The following PRDM6 variants were observed in gnomAD, a reference collection of about 807,000 sequenced individuals.
PRDM6 encodes the protein PR/SET domain 6.
Under a neutral mutation model 60.8 loss-of-function variants are expected in PRDM6, and 25 were observed. The ratio of observed to expected loss-of-function variants is 0.41; its 90% CI spans 0.30 to 0.57. The LOEUF (loss-of-function observed/expected upper bound fraction) is 0.57, where lower values mean the gene tolerates loss of function less well. Among genes scored for constraint, PRDM6 ranks in the 20% least tolerant of loss-of-function variants. PRDM6 has a pLI of 0.27. For synonymous variants in PRDM6, 407 were observed against 357.4 expected (o/e 1.14, Z -1.57); for missense variants, 839 against 821.3 (o/e 1.02, Z -0.26).
At chr5:123,186,171 G>T (rs1387934660) in intron 7 of PRDM6, among the ~76,000 whole-genome samples, 2 of 152,158 alleles carry the variant, frequency 1.3e-5, no homozygotes, top group African/African-American at 4.8e-5. Flanking sequence ...CTGTGGGTGT[G>T]TGTATTTACA....
rs554086935 is a variant in PRDM6 at position 123,097,483 on chromosome 5, T to G, written c.593-2171T>G. ...CTGGTTCTTGGTGGAGTAGTAGTGCTTGGGAATTGCTTTATCTGCAGAATG... is the reference window on the plus strand; with the variant it reads ...CTGGTTCTTGGTGGAGTAGTAGTGCGTGGGAATTGCTTTATCTGCAGAATG... On this transcript the variant is annotated intron_variant, in intron 2 of 7. Coordinates refer to ENST00000407847, the MANE Select transcript of PRDM6 (RefSeq NM_001136239.4). Among the ~76,000 whole-genome samples the G allele has an allele frequency of 1.2e-4, 19 of 152,334 alleles. 1 individual carries two copies. In the South Asian group the frequency reaches 3.7e-3, roughly 30 times the overall value.
chr5:123,177,952 CTG>C (rs1449638187), intron 6 of PRDM6, among the ~76,000 whole-genome samples: 1 of 152,172 alleles, frequency 6.6e-6, no homozygotes, highest in Non-Finnish European at 1.5e-5. Flanking sequence ...GTTTTAAAAA[CTG>C]TGCCATAGGT....
Position 123,090,435 on chromosome 5 carries a change from G to C in PRDM6, c.421G>C (p.Ala141Pro). ...GCCCCCCAAGGAACTGTGCCTCGGC[G>C]CCACCTCCGGCCCCGGGCCCGTCAA... The part of the protein sequence containing the change: ...PLPPKELCLG[A>P]TSGPGPVKCG... Residue 141 changes from alanine (A) to proline (P), a missense_variant, in exon 2 of 8, where the codon GCC becomes CCC. By Grantham distance (27) the Ala-to-Pro change is conservative (BLOSUM62 -1). This residue lies in a region of PRDM6 where 730 missense variants were observed against 648.8 expected (regional missense o/e 1.13). Coordinates refer to ENST00000407847, the MANE Select transcript of PRDM6 (RefSeq NM_001136239.4). The C allele has an allele frequency of 6.9e-7, 1 of 1,450,350 alleles. No homozygotes were observed. Among genetic ancestry groups the C allele is most frequent in the Non-Finnish European group, 9.0e-7 (1 of 1,111,174 alleles). The allele number at this position is 1,450,350 out of a possible 1,614,324, so 89.8% of individuals were successfully genotyped here.
chr5:123,157,013 C>T (rs428746), intron 4 of PRDM6, among the ~76,000 whole-genome samples: 1 of 151,592 alleles, frequency 6.6e-6, no homozygotes, highest in Non-Finnish European at 1.5e-5. Flanking sequence ...GCAGAGGGCT[C>T]TGTGCTCAGC....
intron 3 of PRDM6, among the ~76,000 whole-genome samples, chr5:123,134,377 A>G (rs1210267092): frequency 6.6e-6 from 1 of 152,140 alleles, no homozygotes; most frequent in Non-Finnish European, 1.5e-5. Flanking sequence ...GTTTCAAACT[A>G]GCATCTAGAA....
intron 3 of PRDM6, among the ~76,000 whole-genome samples, chr5:123,104,866 A>G (rs539168758): frequency 3.2e-4 from 49 of 152,330 alleles, no homozygotes; most frequent in African/African-American, 1.1e-3. Flanking sequence ...TAAAAGTCAA[A>G]ACTTAGTACT....
intron 3 of PRDM6, among the ~76,000 whole-genome samples, chr5:123,140,730 GGTTTCATGAATAA>G (rs996972988): frequency 1.2e-4 from 18 of 152,194 alleles, no homozygotes; most frequent in African/African-American, 4.1e-4. Flanking sequence ...CTGAAAAACA[GGTTTCATGAATAA>G]GACAGAATCT....
chr5:123,157,728 T>G (rs879771447), intron 4 of PRDM6, among the ~76,000 whole-genome samples: 1 of 152,262 alleles, frequency 6.6e-6, no homozygotes, highest in Non-Finnish European at 1.5e-5. Context: ...GAATGTCCTC[T>G]TCACAAAAAG....
intron 2 of PRDM6, among the ~76,000 whole-genome samples, chr5:123,095,877 G>T (rs1044712434): frequency 3.3e-5 from 5 of 152,184 alleles, no homozygotes; most frequent in African/African-American, 1.2e-4. Context: ...AACGAGAAAT[G>T]AAATTCCAGA....
At position 123,188,147 on chromosome 5, in the gene PRDM6, C is replaced by G. The variant is rs932481751; in HGVS notation, c.*946C>G. ...TAGTGCCAAACCCCATCGTCAAGGC[C>G]CTTTTAGCAATTTTATCTTTCTTCC... On this transcript the variant is annotated 3_prime_UTR_variant, in exon 8 of 8. Transcript: ENST00000407847. 2 of 152,054 alleles carry G rather than the reference C, an allele frequency of 1.3e-5. No individual in the cohort carries two copies. Among genetic ancestry groups the G allele is most frequent in the African/African-American group, 4.8e-5 (2 of 41,406 alleles). 9.4% of individuals were successfully genotyped at this position (152,054 alleles called of 1,614,324 possible).
rs530717292 is a variant in PRDM6, at chr5:123,106,853, A to G, written c.900+6892A>G. 3.3e-5 allele frequency among the ~76,000 whole-genome samples: 5 copies of G among 152,370 alleles called. No individual in the cohort carries two copies. In the South Asian group the frequency reaches 8.3e-4, roughly 25 times the overall value. On this transcript the variant is annotated intron_variant, in intron 3 of 7. Transcript: ENST00000407847. The stretch of plus-strand genomic sequence containing the variant: ...TTAGGCAATTTCCTTGATTATTGCA[A>G]TCATTTACAAAATTGATCATTCCAG...
At chr5:123,159,492 G>C (rs1000793168) in intron 4 of PRDM6, 22 bp from the exon 5 acceptor site, 1 of 1,548,902 alleles carries the variant, frequency 6.5e-7, no homozygotes, top group Non-Finnish European at 8.7e-7. Flanking sequence ...TACTAAGCTG[G>C]GTTTTCTTTT....
chr5:123,134,548 A>G (rs937334509), intron 3 of PRDM6, among the ~76,000 whole-genome samples: 4 of 152,166 alleles, frequency 2.6e-5, no homozygotes, highest in African/African-American at 9.7e-5. Context: ...ATTGTTATGT[A>G]TTTTAAATTA....
chr5:123,155,926 G>A lies in PRDM6; in HGVS notation c.943G>A (p.Gly315Arg). 6.4e-7 allele frequency: 1 copy of A among 1,551,618 alleles called. No individual in the cohort carries two copies. Among genetic ancestry groups the A allele is most frequent in the Non-Finnish European group, 8.7e-7 (1 of 1,146,898 alleles). ...DGTLQHFIDG[G>R]EPSKSSWMRY... ...GACACTACAGCACTTTATTGATGGT[G>A]GGGAACCTAGTAAGTCGAGCTGGAT... The change falls in exon 4 of 8, where the codon GGG (glycine) becomes AGG (arginine). Residue 315 changes from glycine (G) to arginine (R), a missense_variant. Gly to Arg is a moderately radical substitution (Grantham distance 125, BLOSUM62 -2). This residue lies in a region of PRDM6 where 730 missense variants were observed against 648.8 expected (regional missense o/e 1.13). Coordinates refer to ENST00000407847, the MANE Select transcript of PRDM6 (RefSeq NM_001136239.4).
At chr5:123,171,821 TAG>T (rs1765895002) in intron 6 of PRDM6, among the ~76,000 whole-genome samples, 1 of 152,178 alleles carries the variant, frequency 6.6e-6, no homozygotes, top group Non-Finnish European at 1.5e-5. Flanking sequence ...AGTGGCACAG[TAG>T]ATATAATGGA....
At chr5:123,171,887 C>T (rs901625797) in intron 6 of PRDM6, among the ~76,000 whole-genome samples, 5 of 152,010 alleles carry the variant, frequency 3.3e-5, no homozygotes, top group African/African-American at 7.2e-5. Context: ...TAGCTGGGAG[C>T]GCAAAAGACA....
intron 3 of PRDM6, among the ~76,000 whole-genome samples, chr5:123,143,151 G>GTA (rs140611035): frequency 0.095 from 9,417 of 99,214 alleles, 304 homozygotes; most frequent in South Asian, 0.11. Flanking sequence ...TTTTTAAAGT[G>GTA]TGTGTGTGTG....
At chr5:123,167,093 A>G (rs72787562) in intron 5 of PRDM6, among the ~76,000 whole-genome samples, 41,422 of 152,054 alleles carry the variant, frequency 0.27, 6,206 homozygotes, top group East Asian at 0.59. Flanking sequence ...ATATTTAGGA[A>G]GAATAATCTT....
intron 3 of PRDM6, among the ~76,000 whole-genome samples, chr5:123,142,886 AAAAAAAAAAAAAAAAAC>A (rs1188052156): frequency 6.7e-6 from 1 of 148,208 alleles, no homozygotes; most frequent in Non-Finnish European, 1.5e-5. Context: ...CCAAAAAAAA[AAAAAAAAAAAAAAAAAC>A]AAACAAACCA....
Sources: allele counts gnomAD v4.1 joint callset (sites outside exome capture counted in the v4.1 genomes callset), GRCh38; gene constraint gnomAD v4.1.1; regional missense constraint gnomAD v4.1.1; transcripts MANE v1.5; gene names NCBI Gene and HGNC (gene_info 2026-07-23, HGNC 2026-07-21).